Variants in OPA3 observed in about 807,000 individuals in gnomAD.
OPA3 encodes the protein outer mitochondrial membrane lipid metabolism regulator OPA3.
Under a neutral mutation model 4.0 loss-of-function variants are expected in OPA3, and 6 were observed. The ratio of observed to expected loss-of-function variants is 1.51; its 90% CI spans 0.83 to 2.99. OPA3 has a LOEUF of 2.99. Ranked by LOEUF, OPA3 falls within the 30% of genes most tolerant of loss-of-function variation. The probability of loss-of-function intolerance (pLI) is 0.00; values close to 1 mark genes in which losing one functional copy is unlikely to be tolerated. For missense variants in OPA3, 235 were observed against 256.2 expected (o/e 0.92, Z 0.56); for synonymous variants, 105 against 117.1 (o/e 0.90, Z 0.67).
At chr19:45,577,091 T>A (rs977868957) in intron 1 of OPA3, among the ~76,000 whole-genome samples, 8 of 152,236 alleles carry the variant, frequency 5.3e-5, no homozygotes, top group Non-Finnish European at 1.2e-4. Flanking sequence ...TCAACCTGCC[T>A]AACATCACCA....
At position 45,551,967 on chromosome 19, in the gene OPA3, C is replaced by T. The variant is rs938578195; in HGVS notation, c.*1547G>A. The T allele has an allele frequency of 1.0e-5, 10 of 985,464 alleles. No homozygotes were observed. Among genetic ancestry groups the T allele is most frequent in the Non-Finnish European group, 1.1e-5 (9 of 830,064 alleles). The allele number at this position is 985,464 out of a possible 1,614,324, so 61.0% of individuals were successfully genotyped here. A position where few individuals can be genotyped will look rare whatever the true frequency, so the allele number is the denominator to read the frequency against. On this transcript the variant is annotated 3_prime_UTR_variant, in exon 2 of 2. Coordinates refer to ENST00000263275, the MANE Select transcript of OPA3 (RefSeq NM_025136.4). ...AGGACATGCCACACAGTACAAGCTC[C>T]AGGGACTCTGAGGACAGGAAAATAG...
At chr19:45,535,762 C>CTT (rs370775683) in intron 1 of OPA3, among the ~76,000 whole-genome samples, 4,429 of 122,846 alleles carry the variant, frequency 0.036, 142 homozygotes, top group South Asian at 0.098. Context: ...TTTTTCTTTT[C>CTT]TTTTTTTTTT....
chr19:45,565,998 TA>T (rs1221941548), intron 1 of OPA3, among the ~76,000 whole-genome samples: 5 of 152,052 alleles, frequency 3.3e-5, no homozygotes, highest in African/African-American at 7.2e-5. Context: ...TACAAGAAAA[TA>T]AAATTATAGA....
Position 45,551,744 on chromosome 19 carries a change from C to T in OPA3, c.*1770G>A, listed in dbSNP as rs1969335737. On this transcript the variant is annotated 3_prime_UTR_variant, in exon 2 of 2. Transcript: ENST00000263275. ...CTAATTGGTAGGATGGGGGTGGGAC[C>T]GGGGGCTATGGAGGCAGGAGGGTAC... The T allele has an allele frequency of 8.1e-6, 8 of 985,360 alleles. No individual in the cohort carries two copies. Among genetic ancestry groups the T allele is most frequent in the Non-Finnish European group, 9.6e-6 (8 of 830,018 alleles). The allele number at this position is 985,360 out of a possible 1,614,324, so 61.0% of individuals were successfully genotyped here. A position where few individuals can be genotyped will look rare whatever the true frequency, so the allele number is the denominator to read the frequency against.
Position 45,550,034 on chromosome 19 carries a change from T to A in OPA3, c.*3480A>T, listed in dbSNP as rs1969308629. The A allele has an allele frequency of 6.5e-6, 3 of 464,404 alleles. No homozygotes were observed. In the South Asian group the frequency reaches 2.7e-4, roughly 42 times the overall value. 28.8% of individuals were successfully genotyped at this position (464,404 alleles called of 1,614,324 possible). A position where few individuals can be genotyped will look rare whatever the true frequency, so the allele number is the denominator to read the frequency against. On this transcript the variant is annotated 3_prime_UTR_variant, in exon 2 of 2. Coordinates refer to ENST00000263275, the MANE Select transcript of OPA3 (RefSeq NM_025136.4). ...TAGCCAGGCGTGGGTGGTGGGCACA[T>A]GTAATCCCAGCTACTTCGGAAGCTG...
chr19:45,533,762 G>T (rs1171239657), intron 1 of OPA3, among the ~76,000 whole-genome samples: 1 of 152,156 alleles, frequency 6.6e-6, no homozygotes, highest in East Asian at 1.9e-4. Flanking sequence ...GGATGGGCAG[G>T]GTCAAGGTGA....
downstream of OPA3, among the ~76,000 whole-genome samples, chr19:45,543,660 T>A (rs562162184): frequency 2.0e-5 from 3 of 151,834 alleles, no homozygotes; most frequent in Admixed American, 2.0e-4. Context: ...AGAAGAGGAG[T>A]CTTGCTATGT....
In OPA3 at chr19:45,553,420, T is replaced by G; in HGVS notation, c.*94A>C. On this transcript the variant is annotated 3_prime_UTR_variant, in exon 2 of 2. Transcript: ENST00000263275. ...CAAGTTGCATCAAGATCCTGGTGGT[T>G]TCCACTGGGCCAGCGCAGGCAAGGG... 1 of 1,598,292 alleles carries G rather than the reference T, an allele frequency of 6.3e-7. No homozygotes were observed. Among genetic ancestry groups the G allele is most frequent in the South Asian group, 1.1e-5 (1 of 90,688 alleles).
rs1412037555 is a variant in OPA3 at position 45,553,294 on chromosome 19, T to C, written c.*220A>G. 2 of 1,438,318 alleles carry C rather than the reference T, an allele frequency of 1.4e-6. No homozygotes were observed. The highest frequency in any genetic ancestry group is 1.8e-6 in the Non-Finnish European group (2 of 1,098,754). The allele number at this position is 1,438,318 out of a possible 1,614,324, so 89.1% of individuals were successfully genotyped here. On this transcript the variant is annotated 3_prime_UTR_variant, in exon 2 of 2. Coordinates refer to ENST00000263275, the MANE Select transcript of OPA3 (RefSeq NM_025136.4). ...GGTCGTCCTGGTTTGGAGTGGGGGA[T>C]AGGAGGTGAAGGATGATGGAGGGGG...
At chr19:45,581,234 G>A (rs1358946160) in intron 1 of OPA3, among the ~76,000 whole-genome samples, 1 of 152,056 alleles carries the variant, frequency 6.6e-6, no homozygotes, top group Non-Finnish European at 1.5e-5. Flanking sequence ...CCCCAACAAA[G>A]ACCCCACCAA....
At chr19:45,545,564 A>T (rs1303496386), downstream of OPA3, among the ~76,000 whole-genome samples, 1 of 151,190 alleles carries the variant, frequency 6.6e-6, no homozygotes, top group Non-Finnish European at 1.5e-5. Context: ...AACAACAACA[A>T]CAACCAGAGG....
At chr19:45,565,686 A>G (rs541483923) in intron 1 of OPA3, among the ~76,000 whole-genome samples, 1 of 152,166 alleles carries the variant, frequency 6.6e-6, no homozygotes, top group East Asian at 1.9e-4. Context: ...GGGTTTCACC[A>G]TATTGGTAAG....
chr19:45,553,259 G>A lies in OPA3; in HGVS notation c.*255C>T. Reference sequence around the variant, plus strand: ...AGTGCCCACGGTGTCCTGCTGGCTGGGACCTTGCAGGTCGTCCTGGTTTGG... The same window carrying A: ...AGTGCCCACGGTGTCCTGCTGGCTGAGACCTTGCAGGTCGTCCTGGTTTGG... On this transcript the variant is annotated 3_prime_UTR_variant, in exon 2 of 2. Transcript: ENST00000263275. 2.1e-6 allele frequency: 3 copies of A among 1,420,850 alleles called. No homozygotes were observed. Among genetic ancestry groups the A allele is most frequent in the Middle Eastern group, 2.6e-4 (1 of 3,838 alleles). The allele number at this position is 1,420,850 out of a possible 1,614,324, so 88.0% of individuals were successfully genotyped here. A position where few individuals can be genotyped will look rare whatever the true frequency, so the allele number is the denominator to read the frequency against.
Position 45,548,641 on chromosome 19 carries a change from T to A in OPA3, c.*4873A>T, listed in dbSNP as rs1309259792. The A allele has an allele frequency of 2.1e-6, 2 of 973,238 alleles. No homozygotes were observed. Among genetic ancestry groups the A allele is most frequent in the East Asian group, 2.4e-4 (2 of 8,200 alleles). 60.3% of individuals were successfully genotyped at this position (973,238 alleles called of 1,614,324 possible). On this transcript the variant is annotated 3_prime_UTR_variant, in exon 2 of 2. Transcript: ENST00000263275. ...GGCAGAGAGTGGGTAACTCAGTGAGTTTTGTGTTTTATTTTTTTTATTTTT... is the reference window on the plus strand; with the variant it reads ...GGCAGAGAGTGGGTAACTCAGTGAGATTTGTGTTTTATTTTTTTTATTTTT...
rs1487152117 is a variant in OPA3, at chr19:45,548,232, A to AGCTCC, written c.*5277_*5281dup. On this transcript the variant is annotated 3_prime_UTR_variant, in exon 2 of 2. Transcript: ENST00000263275. ...GCAACACAGCGACCAGCCCAGGAGT[A>AGCTCC]GCTCCGTGAGCCAATAGATCAGGTT... The AGCTCC allele has an allele frequency of 2.0e-6, 2 of 985,510 alleles. No homozygotes were observed. Among genetic ancestry groups the AGCTCC allele is most frequent in the Non-Finnish European group, 1.2e-6 (1 of 829,998 alleles). The allele number at this position is 985,510 out of a possible 1,614,324, so 61.0% of individuals were successfully genotyped here.
chr19:45,564,170 TG>T (rs1284369039), intron 1 of OPA3, among the ~76,000 whole-genome samples: 2 of 10,500 alleles, frequency 1.9e-4, no homozygotes, highest in Non-Finnish European at 3.7e-4. Flanking sequence ...AGGGTGGGGG[TG>T]GGGGGGTTGG....
intron 1 of OPA3, among the ~76,000 whole-genome samples, chr19:45,577,873 T>A (rs1969792017): frequency 6.6e-6 from 1 of 152,176 alleles, no homozygotes; most frequent in Non-Finnish European, 1.5e-5. Context: ...CTGGCTCCAA[T>A]GTCAATGTCA....
At chr19:45,561,399 C>T (rs1969500391) in intron 1 of OPA3, among the ~76,000 whole-genome samples, 2 of 152,118 alleles carry the variant, frequency 1.3e-5, no homozygotes, top group East Asian at 1.9e-4. Context: ...CGCCTGCATA[C>T]GATGGCTGCT....
chr19:45,542,275 G>T (rs1159379615), downstream of OPA3, among the ~76,000 whole-genome samples: 1 of 151,876 alleles, frequency 6.6e-6, no homozygotes, highest in African/African-American at 2.4e-5. Context: ...TGTGGAGGAG[G>T]GCTGCCCTGC....
Sources: gnomAD v4.1 joint callset for allele counts (sites outside exome capture counted in the v4.1 genomes callset) on GRCh38, gnomAD v4.1.1 for gene constraint, MANE v1.5 for transcripts, NCBI Gene and HGNC (gene_info 2026-07-23, HGNC 2026-07-21) for gene names.